Variants in GYPE observed in about 807,000 individuals in gnomAD.
GYPE encodes glycophorin E (MNS blood group), also known as glycophorin-E.
GYPE carries 8 observed loss-of-function variants against 11.6 expected under a neutral mutation model. The ratio of observed to expected loss-of-function variants is 0.69; its 90% CI spans 0.41 to 1.25. The LOEUF is 1.25. Ranked by LOEUF, GYPE falls within the 50% of genes most tolerant of loss-of-function variation. The pLI is 0.01. For synonymous variants in GYPE, 28 were observed against 29.6 expected, an observed-to-expected ratio of 0.94 and a Z score of 0.18; for missense variants, 90 against 92.8, an observed-to-expected ratio of 0.97 and a Z score of 0.12.
chr4:143,883,243 G>T (rs7695853), intron 1 of GYPE, among the ~76,000 whole-genome samples: 1 of 151,756 alleles, frequency 6.6e-6, no homozygotes, highest in Non-Finnish European at 1.5e-5. Context: ...CTTGTTCCAG[G>T]CATGTAAGAC....
At chr4:143,891,087 T>C (rs1228943360) in intron 1 of GYPE, among the ~76,000 whole-genome samples, 1 of 152,034 alleles carries the variant, frequency 6.6e-6, no homozygotes, top group Non-Finnish European at 1.5e-5. Context: ...AGTAAACTTC[T>C]TATGTAAAGG....
intron 2 of GYPE, among the ~76,000 whole-genome samples, chr4:143,878,444 G>T (rs1043796987): frequency 1.3e-5 from 2 of 152,126 alleles, no homozygotes; most frequent in Non-Finnish European, 2.9e-5. Context: ...CCCCCAAAAT[G>T]TTTTTAAAAA....
At chr4:143,875,996 G>T (rs1278867980) in intron 3 of GYPE, among the ~76,000 whole-genome samples, 4 of 151,658 alleles carry the variant, frequency 2.6e-5, no homozygotes, top group African/African-American at 9.7e-5. Context: ...AATAAAAAAA[G>T]CATTAATGAT....
At chr4:143,895,121 C>A (rs1744573350) in intron 1 of GYPE, among the ~76,000 whole-genome samples, 1 of 152,150 alleles carries the variant, frequency 6.6e-6, no homozygotes, top group African/African-American at 2.4e-5. Context: ...TCTCTCACCA[C>A]TCCTATTCAA....
chr4:143,873,362 T>G (rs1743682135), intron 3 of GYPE: 6 of 440,244 alleles, frequency 1.4e-5, no homozygotes, highest in South Asian at 9.7e-5. Context: ...TTCACCTGGT[T>G]GGCAATATTT....
intron 1 of GYPE, among the ~76,000 whole-genome samples, chr4:143,894,345 G>A (rs936645668): frequency 5.3e-5 from 8 of 152,154 alleles, no homozygotes; most frequent in Non-Finnish European, 1.0e-4. Flanking sequence ...TTGTTCCGTT[G>A]CTCGAGAGGA....
chr4:143,872,712 C>T (rs931618886), intron 3 of GYPE, among the ~76,000 whole-genome samples: 4 of 152,014 alleles, frequency 2.6e-5, no homozygotes, highest in Admixed American at 1.3e-4. Flanking sequence ...CAGAATTTTC[C>T]TTGAAGGTGT....
At chr4:143,881,761 AC>A (rs1034530169) in intron 1 of GYPE, among the ~76,000 whole-genome samples, 24 of 152,260 alleles carry the variant, frequency 1.6e-4, no homozygotes, top group African/African-American at 5.5e-4. Flanking sequence ...ATTATGATAA[AC>A]GTCAGTACCC....
Position 143,880,519 on chromosome 4 carries a change from A to T in GYPE, c.38-10T>A, listed in dbSNP as rs201974664. 6.2e-7 allele frequency: 1 copy of T among 1,613,868 alleles called. No individual in the cohort carries two copies. The highest frequency in any genetic ancestry group is 1.3e-5 in the African/African-American group (1 of 75,064). On this transcript the variant is annotated splice_polypyrimidine_tract_variant and intron_variant, in intron 1 of 3. Transcript: ENST00000358615. ...GATATGCTCACAATTCCTGTATAAAATAGAAGTTGAGAAAGGGATTAAGAA... is the reference window on the plus strand; with the variant it reads ...GATATGCTCACAATTCCTGTATAAATTAGAAGTTGAGAAAGGGATTAAGAA...
intron 1 of GYPE, among the ~76,000 whole-genome samples, chr4:143,881,554 A>T (rs6819051): frequency 6.6e-6 from 1 of 151,912 alleles, no homozygotes; most frequent in Non-Finnish European, 1.5e-5. Flanking sequence ...TTAAATATAT[A>T]TGAATATGTA....
At chr4:143,889,381 C>T (rs1014131936) in intron 1 of GYPE, among the ~76,000 whole-genome samples, 1 of 151,982 alleles carries the variant, frequency 6.6e-6, no homozygotes, top group Non-Finnish European at 1.5e-5. Context: ...GTCCACTGTC[C>T]CAGTGGGAAA....
chr4:143,891,924 T>G (rs1744423967), intron 1 of GYPE, among the ~76,000 whole-genome samples: 1 of 152,202 alleles, frequency 6.6e-6, no homozygotes, highest in Non-Finnish European at 1.5e-5. Context: ...AATTCGGCTG[T>G]GAATCCATCT....
At chr4:143,885,187 A>G (rs1744184311) in intron 1 of GYPE, among the ~76,000 whole-genome samples, 1 of 152,182 alleles carries the variant, frequency 6.6e-6, no homozygotes, top group Non-Finnish European at 1.5e-5. Flanking sequence ...GATTGTCAAA[A>G]GAATATGGCA....
At chr4:143,893,990 T>A (rs985794953) in intron 1 of GYPE, among the ~76,000 whole-genome samples, 11 of 152,320 alleles carry the variant, frequency 7.2e-5, no homozygotes, top group Non-Finnish European at 1.0e-4. Context: ...CCCATATTTC[T>A]TGGAGGCTTT....
intron 1 of GYPE, among the ~76,000 whole-genome samples, chr4:143,896,203 C>T (rs907301411): frequency 5.9e-5 from 9 of 152,056 alleles, no homozygotes; most frequent in African/African-American, 2.2e-4. Context: ...AAGAAACTAC[C>T]ATCAGAGTGA....
At chr4:143,905,401 G>A in intron 1 of GYPE, 70 bp downstream of exon 1, 1 of 1,606,850 alleles carries the variant, frequency 6.2e-7, no homozygotes, top group Non-Finnish European at 8.5e-7. Context: ...ACTAAAATAG[G>A]GTAGTTTACA....
At chr4:143,897,024 G>A (rs1182755427) in intron 1 of GYPE, among the ~76,000 whole-genome samples, 2 of 151,968 alleles carry the variant, frequency 1.3e-5, no homozygotes, top group Admixed American at 6.6e-5. Context: ...GGGGCAGGGG[G>A]GAGGGATAGC....
intron 1 of GYPE, among the ~76,000 whole-genome samples, chr4:143,883,381 C>G (rs939459405): frequency 6.6e-6 from 1 of 151,416 alleles, no homozygotes; most frequent in African/African-American, 2.4e-5. Flanking sequence ...TATAAATTAC[C>G]CAGTCTCAGT....
chr4:143,877,638 A>G (rs1401193326), intron 2 of GYPE, among the ~76,000 whole-genome samples: 2 of 152,152 alleles, frequency 1.3e-5, no homozygotes, highest in African/African-American at 4.8e-5. Context: ...TAAAAGTCCT[A>G]TTATTGATAA....
Sources: gnomAD v4.1 joint callset for allele counts (sites outside exome capture counted in the v4.1 genomes callset) on GRCh38, gnomAD v4.1.1 for gene constraint, MANE v1.5 for transcripts, NCBI Gene and HGNC (gene_info 2026-07-23, HGNC 2026-07-21) for gene names.